Variants in ARK2N observed in about 807,000 individuals in gnomAD.
ARK2N encodes the protein arkadia (RNF111) N-terminal like PKA signaling regulator 2N, also known as protein ARK2N.
chr18:46,200,480 G>A, the ARK2N span, among the ~76,000 whole-genome samples: 1 of 152,042 alleles, frequency 6.6e-6, no homozygotes, highest in African/African-American at 2.4e-5. Flanking sequence ...GCTAATTTTT[G>A]TGTTTTTAGT....
chr18:46,248,953 A>G, the ARK2N span, among the ~76,000 whole-genome samples: 3 of 152,166 alleles, frequency 2.0e-5, no homozygotes, highest in East Asian at 3.9e-4. Context: ...CCATCCCTTT[A>G]TCAGTCCTCT....
chr18:46,235,938 T>C, the ARK2N span, among the ~76,000 whole-genome samples: 1 of 152,220 alleles, frequency 6.6e-6, no homozygotes, highest in Non-Finnish European at 1.5e-5. Context: ...ATTAAACATT[T>C]GATGGCAACA....
chr18:46,256,986 G>A, the ARK2N span, among the ~76,000 whole-genome samples: 391 of 152,264 alleles, frequency 2.6e-3, no homozygotes, highest in Admixed American at 7.1e-3. Context: ...TTTCTTTTAC[G>A]GGTCTAGGGT....
the ARK2N span, chr18:46,215,785 T>A: frequency 3.3e-6 from 4 of 1,217,126 alleles, no homozygotes; most frequent in Non-Finnish European, 4.6e-6. Flanking sequence ...GCATTCTGTT[T>A]ATTGACTTTG....
the ARK2N span, among the ~76,000 whole-genome samples, chr18:46,261,682 A>G: frequency 1.3e-5 from 2 of 152,232 alleles, no homozygotes; most frequent in Admixed American, 6.5e-5. Context: ...TAGTAACTAC[A>G]TAGCCCATCT....
At chr18:46,226,191 G>T in the ARK2N span, among the ~76,000 whole-genome samples, 1 of 152,178 alleles carries the variant, frequency 6.6e-6, no homozygotes, top group Non-Finnish European at 1.5e-5. Flanking sequence ...TATGCAGGAA[G>T]AACACAATTC....
the ARK2N span, among the ~76,000 whole-genome samples, chr18:46,241,075 G>A: frequency 6.6e-6 from 1 of 152,134 alleles, no homozygotes; most frequent in African/African-American, 2.4e-5. Context: ...ACTACCTAAA[G>A]TTATTTTTAT....
chr18:46,265,772 A>T, the ARK2N span: 1 of 152,568 alleles, frequency 6.6e-6, no homozygotes, highest in African/African-American at 2.4e-5. Context: ...GTGACATTTG[A>T]AGTTTCTTTT....
At chr18:46,263,067 A>C in the ARK2N span, 3 of 1,614,176 alleles carry the variant, frequency 1.9e-6, no homozygotes, top group Non-Finnish European at 2.5e-6. Flanking sequence ...CACCAGCAGA[A>C]GTTGTTGACC....
chr18:46,188,363 G>A, the ARK2N span, among the ~76,000 whole-genome samples: 3 of 152,096 alleles, frequency 2.0e-5, no homozygotes, highest in African/African-American at 7.2e-5. Context: ...ACTACACCCG[G>A]CCAATTTTTG....
the ARK2N span, among the ~76,000 whole-genome samples, chr18:46,240,918 A>G: frequency 1.3e-5 from 2 of 152,226 alleles, no homozygotes; most frequent in Non-Finnish European, 2.9e-5. Context: ...GTTGTTGTGA[A>G]AATACTAGCA....
the ARK2N span, among the ~76,000 whole-genome samples, chr18:46,246,821 A>G: frequency 6.6e-6 from 1 of 151,884 alleles, no homozygotes; most frequent in Non-Finnish European, 1.5e-5. Context: ...CATGCCTGTA[A>G]TCCCACCTAC....
At chr18:46,189,670 A>G in the ARK2N span, among the ~76,000 whole-genome samples, 4,331 of 152,172 alleles carry the variant, frequency 0.028, 183 homozygotes, top group African/African-American at 0.098. Flanking sequence ...GTAGAGTTTG[A>G]TACCAGTCTG....
chr18:46,202,851 C>G, the ARK2N span, among the ~76,000 whole-genome samples: 1 of 151,926 alleles, frequency 6.6e-6, no homozygotes. Context: ...TATTCCTGCC[C>G]ATTTCTTTTC....
At chr18:46,197,091 G>A in the ARK2N span, among the ~76,000 whole-genome samples, 2 of 152,158 alleles carry the variant, frequency 1.3e-5, no homozygotes, top group Non-Finnish European at 2.9e-5. Context: ...TGCATTCGAG[G>A]GAGGAGAATT....
chr18:46,256,905 T>A, the ARK2N span, among the ~76,000 whole-genome samples: 1 of 152,308 alleles, frequency 6.6e-6, no homozygotes, highest in South Asian at 2.1e-4. Flanking sequence ...GAGAAGCAAG[T>A]AGGAGAAGAG....
the ARK2N span, among the ~76,000 whole-genome samples, chr18:46,241,591 TGTGGTGGTGGGC>T: frequency 2.6e-3 from 399 of 151,394 alleles, 3 homozygotes; most frequent in African/African-American, 9.3e-3. Context: ...GCGTGATGGG[TGTGGTGGTGGGC>T]GTGGTGGTGG....
the ARK2N span, among the ~76,000 whole-genome samples, chr18:46,178,787 G>A: frequency 6.6e-6 from 1 of 151,720 alleles, no homozygotes; most frequent in African/African-American, 2.4e-5. Flanking sequence ...GGTGGCACAC[G>A]CCTGTAGTCC....
the ARK2N span, among the ~76,000 whole-genome samples, chr18:46,262,096 G>C: frequency 6.6e-6 from 1 of 152,310 alleles, no homozygotes; most frequent in East Asian, 1.9e-4. Flanking sequence ...AGAGGACATA[G>C]CATTGATCAC....
Sources: gnomAD v4.1 joint callset for allele counts (sites outside exome capture counted in the v4.1 genomes callset) on GRCh38, gnomAD v4.1.1 for gene constraint, MANE v1.5 for transcripts, NCBI Gene and HGNC (gene_info 2026-07-23, HGNC 2026-07-21) for gene names.